STRIP2: variants seen among roughly 807,000 people sequenced by gnomAD.
STRIP2 encodes the protein striatin interacting protein 2.
Under a neutral mutation model 107.1 loss-of-function variants are expected in STRIP2, and 84 were observed. The observed-to-expected ratio is 0.78, with a 90% CI of 0.66 to 0.94. The LOEUF (loss-of-function observed/expected upper bound fraction) is 0.94, where lower values mean the gene tolerates loss of function less well. Among genes scored for constraint, STRIP2 ranks in the 40% least tolerant of loss-of-function variants. The probability of loss-of-function intolerance (pLI) is 0.00; values close to 1 mark genes in which losing one functional copy is unlikely to be tolerated. For synonymous variants in STRIP2, 394 were observed against 400.4 expected, an observed-to-expected ratio of 0.98 and a Z score of 0.19; for missense variants, 888 against 1,034.2, an observed-to-expected ratio of 0.86 and a Z score of 1.94.
chr7:129,436,128 TG>T (rs771381243), intron 1 of STRIP2, among the ~76,000 whole-genome samples: 31 of 152,156 alleles, frequency 2.0e-4, no homozygotes, highest in Non-Finnish European at 3.8e-4. Context: ...CTCGTTCAAA[TG>T]TTTTTTTGGG....
chr7:129,483,224 T>C lies in STRIP2; in HGVS notation c.2254+178T>C, dbSNP rs140704158. 3.7e-4 allele frequency: 519 copies of C among 1,415,234 alleles called. 3 individuals carry two copies. The African/African-American group carries it at 7.0e-3, about 19-fold the overall frequency. The allele number at this position is 1,415,234 out of a possible 1,614,324, so 87.7% of individuals were successfully genotyped here. Reference sequence around the variant, plus strand: ...TAAGGTTATGCCTCAAATTCTAGTATGTACCCTTGTCCTATGTAAACTATG... The same window carrying C: ...TAAGGTTATGCCTCAAATTCTAGTACGTACCCTTGTCCTATGTAAACTATG... On this transcript the variant is annotated intron_variant, in intron 20 of 20. Coordinates refer to ENST00000249344, the MANE Select transcript of STRIP2 (RefSeq NM_020704.3). The surrounding 1 kb of genome is among the most constrained non-coding windows in gnomAD (Gnocchi z 5.1).
At position 129,483,372 on chromosome 7, in the gene STRIP2, G is replaced by A; in HGVS notation, c.2254+326G>A. 1.0e-6 allele frequency: 1 copy of A among 961,690 alleles called. No individual in the cohort carries two copies. The highest frequency in any genetic ancestry group is 1.7e-5 in the African/African-American group (1 of 58,240). 59.6% of individuals were successfully genotyped at this position (961,690 alleles called of 1,614,324 possible). A position where few individuals can be genotyped will look rare whatever the true frequency, so the allele number is the denominator to read the frequency against. Reference sequence around the variant, plus strand: ...AACAACTTTTTATTATTACAAAGCAGTTAGAAAAAAAGATAGAAAATACAA... The same window carrying A: ...AACAACTTTTTATTATTACAAAGCAATTAGAAAAAAAGATAGAAAATACAA... On this transcript the variant is annotated intron_variant, in intron 20 of 20. Coordinates refer to ENST00000249344, the MANE Select transcript of STRIP2 (RefSeq NM_020704.3). The surrounding 1 kb of genome is among the most constrained non-coding windows in gnomAD (Gnocchi z 5.1).
chr7:129,474,343 A>G lies in STRIP2; in HGVS notation c.1944+3628A>G, dbSNP rs1016914787. ...AAAAAAAAATTTTTTTAGAGATAAA[A>G]TCTCCCTAGAGACAGAATCTCCCTA... On this transcript the variant is annotated intron_variant, in intron 18 of 20. Transcript: ENST00000249344. Among the ~76,000 whole-genome samples, 18 of 152,020 alleles carry G rather than the reference A, an allele frequency of 1.2e-4. 1 individual carries two copies. Among genetic ancestry groups the G allele is most frequent in the African/African-American group, 4.3e-4 (18 of 41,450 alleles).
chr7:129,462,480 G>T (rs1301160723), intron 13 of STRIP2, among the ~76,000 whole-genome samples: 2 of 152,166 alleles, frequency 1.3e-5, no homozygotes, highest in African/African-American at 4.8e-5. Context: ...GTATATGAGG[G>T]AGCTGGTCAG....
chr7:129,436,994 C>T (rs1797757559), intron 1 of STRIP2, among the ~76,000 whole-genome samples: 1 of 152,146 alleles, frequency 6.6e-6, no homozygotes, highest in Admixed American at 6.5e-5. Context: ...TTTAACTGGT[C>T]TGTGGTAAAA....
Position 129,451,634 on chromosome 7 carries a change from A to T in STRIP2, c.296A>T (p.Glu99Val). 6.2e-7 allele frequency: 1 copy of T among 1,614,030 alleles called. No homozygotes were observed. Among genetic ancestry groups the T allele is most frequent in the African/African-American group, 1.3e-5 (1 of 74,994 alleles). The change falls in exon 4 of 21, where the codon GAG (glutamate) becomes GTG (valine). Residue 99 changes from glutamate to valine, a missense_variant. Transcript: ENST00000249344. ...CCAGTGCAGGGCAAGGAATGGCTGG[A>T]GTTGGAAGAAGATGCCCAAAAGGCC... ...KTQVQGKEWL[E>V]LEEDAQKAYI...
chr7:129,470,564 G>A (rs1479063501), intron 17 of STRIP2, 85 bp from the exon 18 acceptor site: 2 of 1,145,382 alleles, frequency 1.7e-6, no homozygotes, highest in African/African-American at 3.0e-5. Flanking sequence ...CTGCTGGAGA[G>A]AAATAACTCC....
chr7:129,448,713 A>G (rs944024224), intron 3 of STRIP2, among the ~76,000 whole-genome samples: 1 of 152,096 alleles, frequency 6.6e-6, no homozygotes, highest in African/African-American at 2.4e-5. Flanking sequence ...TATGGTAGCT[A>G]TGCTCACCTT....
At chr7:129,451,775 A>G (rs200028177) in intron 4 of STRIP2, 28 bp downstream of exon 4, 1 of 867,126 alleles carries the variant, frequency 1.2e-6, no homozygotes, top group Non-Finnish European at 1.5e-6. Flanking sequence ...CTAGCTTTAG[A>G]GGGGTGGAGG....
intron 3 of STRIP2, among the ~76,000 whole-genome samples, chr7:129,447,545 G>A (rs1256380751): frequency 1.3e-5 from 2 of 152,176 alleles, no homozygotes; most frequent in Non-Finnish European, 2.9e-5. Flanking sequence ...GGACCAATGT[G>A]ATATCTTGTG....
In STRIP2 at chr7:129,486,243, T is replaced by TC. The variant is rs1180537971; in HGVS notation, c.*414_*415insC. 6.3e-6 allele frequency: 1 copy of TC among 158,528 alleles called. No individual in the cohort carries two copies. Among genetic ancestry groups the TC allele is most frequent in the Non-Finnish European group, 1.4e-5 (1 of 71,704 alleles). The allele number at this position is 158,528 out of a possible 1,614,324, so 9.8% of individuals were successfully genotyped here. A position where few individuals can be genotyped will look rare whatever the true frequency, so the allele number is the denominator to read the frequency against. Reference sequence around the variant, plus strand: ...CTTGCTCACACTGGATTCCTAGGACTTATCAGAGATTTGGAAAAACCAACT... The same window carrying TC: ...CTTGCTCACACTGGATTCCTAGGACTCTATCAGAGATTTGGAAAAACCAACT... On this transcript the variant is annotated 3_prime_UTR_variant, in exon 21 of 21. Coordinates refer to ENST00000249344, the MANE Select transcript of STRIP2 (RefSeq NM_020704.3).
chr7:129,443,858 A>G (rs1797965830), intron 2 of STRIP2, among the ~76,000 whole-genome samples, 166 bp from the exon 3 acceptor site: 1 of 152,242 alleles, frequency 6.6e-6, no homozygotes, highest in Non-Finnish European at 1.5e-5. Flanking sequence ...TCCCAGGGAC[A>G]CAAGTGGCTA....
In STRIP2 at chr7:129,485,961, A is replaced by C; in HGVS notation, c.*132A>C. 9.8e-7 allele frequency: 1 copy of C among 1,016,312 alleles called. No individual in the cohort carries two copies. Among genetic ancestry groups the C allele is most frequent in the Non-Finnish European group, 1.4e-6 (1 of 694,950 alleles). 63.0% of individuals were successfully genotyped at this position (1,016,312 alleles called of 1,614,324 possible). ...GGGCTCTTGGGCCTAAAGATGGTGCAAGGGTGGGATCCTGAATCACAATAA... is the reference window on the plus strand; with the variant it reads ...GGGCTCTTGGGCCTAAAGATGGTGCCAGGGTGGGATCCTGAATCACAATAA... On this transcript the variant is annotated 3_prime_UTR_variant, in exon 21 of 21. Coordinates refer to ENST00000249344, the MANE Select transcript of STRIP2 (RefSeq NM_020704.3).
chr7:129,477,405 C>T (rs1798999172), intron 18 of STRIP2, among the ~76,000 whole-genome samples: 1 of 151,988 alleles, frequency 6.6e-6, no homozygotes, highest in African/African-American at 2.4e-5. Flanking sequence ...AAGGAAGGAC[C>T]ATGGATAAAA....
chr7:129,448,867 A>G (rs1447890374), intron 3 of STRIP2, among the ~76,000 whole-genome samples: 1 of 152,214 alleles, frequency 6.6e-6, no homozygotes. Flanking sequence ...AGGACTCTTC[A>G]AAGATGCAGT....
intron 4 of STRIP2, 107 bp downstream of exon 4, chr7:129,451,854 G>T: frequency 7.3e-7 from 1 of 1,364,316 alleles, no homozygotes; most frequent in Non-Finnish European, 1.0e-6. Context: ...AAGGTTTCTT[G>T]CCTCTCAAGG....
intron 1 of STRIP2, among the ~76,000 whole-genome samples, chr7:129,436,847 G>A (rs1172963941): frequency 6.6e-6 from 1 of 152,180 alleles, no homozygotes; most frequent in African/African-American, 2.4e-5. Flanking sequence ...GGCTTAGTGT[G>A]TGAACATCCC....
At chr7:129,459,413 T>G in intron 11 of STRIP2, 104 bp from the exon 12 acceptor site, 2 of 944,688 alleles carry the variant, frequency 2.1e-6, no homozygotes, top group Non-Finnish European at 1.7e-6. Context: ...TGGGGGTAGA[T>G]GTTGTTGAAA....
chr7:129,448,556 G>A (rs538076431), intron 3 of STRIP2, among the ~76,000 whole-genome samples: 56 of 152,156 alleles, frequency 3.7e-4, no homozygotes, highest in Admixed American at 1.6e-3. Context: ...TCGTCCATTC[G>A]ACCTACAAGT....
Sources: allele counts gnomAD v4.1 joint callset (sites outside exome capture counted in the v4.1 genomes callset), GRCh38; gene constraint gnomAD v4.1.1; non-coding constraint Gnocchi (gnomAD v3.1); transcripts MANE v1.5; gene names NCBI Gene and HGNC (gene_info 2026-07-23, HGNC 2026-07-21).